Variants in MANBAL observed in about 807,000 individuals in gnomAD.
MANBAL encodes the protein protein MANBAL.
A neutral mutation model predicts 6.4 loss-of-function variants in MANBAL; 1 was observed. The ratio of observed to expected loss-of-function variants is 0.16; its 90% confidence interval spans 0.06 to 0.74. MANBAL has a LOEUF of 0.74. Ranked by LOEUF, MANBAL falls within the 30% of genes least tolerant of loss-of-function variation. The pLI is 0.78. For missense variants in MANBAL, 100 were observed against 107.8 expected (o/e 0.93, Z 0.32); for synonymous variants, 47 against 45.8 (o/e 1.03, Z -0.10).
chr20:37,311,704 C>G (rs1010830417), intron 2 of MANBAL, among the ~76,000 whole-genome samples: 4 of 152,114 alleles, frequency 2.6e-5, no homozygotes, highest in Non-Finnish European at 5.9e-5. Context: ...TCAGGCTGGT[C>G]TTGAACTCCC....
chr20:37,308,396 A>G (rs1008191023), intron 2 of MANBAL, among the ~76,000 whole-genome samples: 1 of 152,156 alleles, frequency 6.6e-6, no homozygotes, highest in African/African-American at 2.4e-5. Context: ...TGGAGAGCAC[A>G]TGTGACACCA....
rs11905967 is a variant in MANBAL, at chr20:37,316,435, T to A, written c.*20T>A. 1 of 1,605,660 alleles carries A rather than the reference T, an allele frequency of 6.2e-7. No individual in the cohort carries two copies. Among genetic ancestry groups the A allele is most frequent in the Non-Finnish European group, 8.5e-7 (1 of 1,174,638 alleles). ...CGGTAGAAGAGGAGGCCTGAGGAGC[T>A]GGGCGGGCAGGGAGAGGGTCTTGGG... On this transcript the variant is annotated 3_prime_UTR_variant, in exon 3 of 3. Transcript: ENST00000373606.
At chr20:37,311,541 G>T (rs1396058439) in intron 2 of MANBAL, among the ~76,000 whole-genome samples, 2 of 152,234 alleles carry the variant, frequency 1.3e-5, no homozygotes, top group Non-Finnish European at 2.9e-5. Context: ...AGGCTGGAGT[G>T]CAATGGCATG....
At chr20:37,315,251 T>A (rs993417221) in intron 2 of MANBAL, among the ~76,000 whole-genome samples, 4 of 152,208 alleles carry the variant, frequency 2.6e-5, no homozygotes, top group Non-Finnish European at 4.4e-5. Context: ...AATTTTTAAA[T>A]AAACACTGCC....
chr20:37,313,957 G>T (rs559175294), intron 2 of MANBAL, among the ~76,000 whole-genome samples: 4 of 152,354 alleles, frequency 2.6e-5, no homozygotes, highest in African/African-American at 9.6e-5. Context: ...GCCCATGTGA[G>T]GCTGGAGAGG....
Position 37,313,149 on chromosome 20 carries a change from C to T in MANBAL, c.151-3159C>T, listed in dbSNP as rs556632047. On this transcript the variant is annotated intron_variant, in intron 2 of 2. Coordinates refer to ENST00000373606, the MANE Select transcript of MANBAL (RefSeq NM_001003897.2). ...ATCCCAGCACTTTGGGAGGCCGAATCGGGCAGATCACGAGGTCAGGAGATC... is the reference window on the plus strand; with the variant it reads ...ATCCCAGCACTTTGGGAGGCCGAATTGGGCAGATCACGAGGTCAGGAGATC... Among the ~76,000 whole-genome samples the T allele has an allele frequency of 7.4e-3, 1,117 of 151,672 alleles. 16 individuals carry two copies. The highest frequency in any genetic ancestry group is 0.024 in the African/African-American group (1,009 of 41,354).
At chr20:37,310,570 CT>C (rs1245116543) in intron 2 of MANBAL, among the ~76,000 whole-genome samples, 1 of 152,210 alleles carries the variant, frequency 6.6e-6, no homozygotes, top group African/African-American at 2.4e-5. Context: ...CCACATTGAA[CT>C]GTAGAGTGGA....
rs774694455 is a variant in MANBAL, at chr20:37,301,253, C to T, written c.-11C>T. 2.0e-5 allele frequency: 32 copies of T among 1,576,986 alleles called. No individual in the cohort carries two copies. Among genetic ancestry groups the T allele is most frequent in the South Asian group, 1.4e-4 (12 of 85,582 alleles). The stretch of plus-strand genomic sequence containing the variant: ...GTCAGAAGAGACGTCAGGCAGCAAG[C>T]GACTTGGGCCATGGCCTCTGACCTA... On this transcript the variant is annotated 5_prime_UTR_variant, in exon 2 of 3. Coordinates refer to ENST00000373606, the MANE Select transcript of MANBAL (RefSeq NM_001003897.2).
intron 1 of MANBAL, among the ~76,000 whole-genome samples, chr20:37,295,166 G>A (rs1180824148): frequency 3.9e-5 from 6 of 152,114 alleles, no homozygotes; most frequent in Admixed American, 3.9e-4. Flanking sequence ...TGACTCTGTT[G>A]GTTGAGGCAT....
intron 2 of MANBAL, among the ~76,000 whole-genome samples, chr20:37,303,782 T>C (rs888151036): frequency 1.3e-5 from 2 of 152,218 alleles, no homozygotes. Context: ...GGAAGTGAGT[T>C]AGAGACTCAG....
At position 37,305,123 on chromosome 20, in the gene MANBAL, T is replaced by G. The variant is rs28459670; in HGVS notation, c.150+3710T>G. On this transcript the variant is annotated intron_variant, in intron 2 of 2. Coordinates refer to ENST00000373606, the MANE Select transcript of MANBAL (RefSeq NM_001003897.2). ...GGTATCTTGAGAAGGAGATCACTAT[T>G]GGCGTTCTTCCACCCACAATTGTAT... Among the ~76,000 whole-genome samples the G allele has an allele frequency of 7.3e-3, 1,115 of 152,320 alleles. 16 individuals are homozygous for G. The highest frequency in any genetic ancestry group is 0.024 in the African/African-American group (1,009 of 41,562).
chr20:37,314,376 T>G (rs6104529), intron 2 of MANBAL, among the ~76,000 whole-genome samples: 48,686 of 151,730 alleles, frequency 0.32, 8,687 homozygotes, highest in African/African-American at 0.49. Context: ...GGTGCCAGAA[T>G]GGTTGAGGCT....
chr20:37,303,650 G>A (rs1032935597), intron 2 of MANBAL, among the ~76,000 whole-genome samples: 18 of 152,196 alleles, frequency 1.2e-4, no homozygotes, highest in African/African-American at 3.9e-4. Flanking sequence ...CAGGTATGGC[G>A]GCACAGGGAA....
At chr20:37,295,542 C>T (rs2068974436) in intron 1 of MANBAL, among the ~76,000 whole-genome samples, 1 of 152,160 alleles carries the variant, frequency 6.6e-6, no homozygotes, top group South Asian at 2.1e-4. Context: ...TTTCCTGGCT[C>T]ACTAATGGGC....
At chr20:37,311,732 C>A (rs1279913685) in intron 2 of MANBAL, among the ~76,000 whole-genome samples, 1 of 152,214 alleles carries the variant, frequency 6.6e-6, no homozygotes, top group Non-Finnish European at 1.5e-5. Context: ...GGTGATCCAC[C>A]TGCCTTGGCT....
At chr20:37,307,870 A>G (rs2069293282) in intron 2 of MANBAL, among the ~76,000 whole-genome samples, 1 of 152,206 alleles carries the variant, frequency 6.6e-6, no homozygotes, top group Non-Finnish European at 1.5e-5. Context: ...AACTTGGAGC[A>G]TACCCAACCT....
At chr20:37,298,243 A>G (rs892160566) in intron 1 of MANBAL, among the ~76,000 whole-genome samples, 3 of 152,198 alleles carry the variant, frequency 2.0e-5, no homozygotes, top group African/African-American at 4.8e-5. Context: ...AATTGTGACA[A>G]AATATATGTA....
chr20:37,294,035 C>CCTTGGCCT (rs1276108046), intron 1 of MANBAL, among the ~76,000 whole-genome samples: 1 of 152,200 alleles, frequency 6.6e-6, no homozygotes, highest in Non-Finnish European at 1.5e-5. Flanking sequence ...AATCCTCCTG[C>CCTTGGCCT]CTTGGCCTCT....
At chr20:37,308,995 G>A (rs946252785) in intron 2 of MANBAL, among the ~76,000 whole-genome samples, 2 of 152,162 alleles carry the variant, frequency 1.3e-5, no homozygotes, top group African/African-American at 4.8e-5. Context: ...CATGTTTGTT[G>A]ATTGCCACCG....
Sources: gnomAD v4.1 joint callset for allele counts (sites outside exome capture counted in the v4.1 genomes callset) on GRCh38, gnomAD v4.1.1 for gene constraint, MANE v1.5 for transcripts, NCBI Gene and HGNC (gene_info 2026-07-23, HGNC 2026-07-21) for gene names.